PCBP2: variants seen among roughly 807,000 people sequenced by gnomAD.
PCBP2 encodes the protein poly(rC)-binding protein 2.
PCBP2 carries 4 observed loss-of-function variants against 50.1 expected under a neutral mutation model. The observed-to-expected ratio is 0.08, with a 90% CI of 0.04 to 0.18. The LOEUF (loss-of-function observed/expected upper bound fraction) is 0.18. Ranked by LOEUF, PCBP2 falls within the 10% of genes least tolerant of loss-of-function variation. The pLI is 1.00. For synonymous variants in PCBP2, 179 were observed against 168.0 expected (o/e 1.07, Z -0.51); for missense variants, 161 against 474.3 (o/e 0.34, Z 6.14).
At chr12:53,462,408 G>C (rs1941511354) in intron 7 of PCBP2, 85 bp from the exon 8 acceptor site, 1 of 1,038,812 alleles carries the variant, frequency 9.6e-7, no homozygotes, top group Non-Finnish European at 1.4e-6. Context: ...TAATTTAACT[G>C]ACCTGTGTGA....
At chr12:53,464,672 T>TA (rs1167974609) in intron 8 of PCBP2, 88 bp from the exon 9 acceptor site, 1 of 1,527,466 alleles carries the variant, frequency 6.5e-7, no homozygotes, top group Non-Finnish European at 8.8e-7. Flanking sequence ...AGGAAAAAAA[T>TA]AAACAACTTT....
At chr12:53,454,958 A>G in intron 2 of PCBP2, 89 bp downstream of exon 2, 1 of 1,086,654 alleles carries the variant, frequency 9.2e-7, no homozygotes, top group East Asian at 2.4e-5. Flanking sequence ...TCATCAGATT[A>G]GCACTGTGGG....
At chr12:53,457,489 G>T (rs1381868797) in intron 5 of PCBP2, among the ~76,000 whole-genome samples, 1 of 151,998 alleles carries the variant, frequency 6.6e-6, no homozygotes, top group Non-Finnish European at 1.5e-5. Flanking sequence ...GGGACCACAG[G>T]CTTGAACCAC....
rs1054670093 is a variant in PCBP2, at chr12:53,467,350, C to G, written c.787+57C>G. ...GTGTAGTGCAAGAGAGAGGCCAGTC[C>G]CAAGGTCTCAGCTTGACATCTGTTT... On this transcript the variant is annotated intron_variant, in intron 11 of 14. Transcript: ENST00000546463. 3.7e-6 allele frequency: 5 copies of G among 1,356,314 alleles called. No homozygotes were observed. The East Asian group carries it at 6.9e-5, about 19-fold the overall frequency. 84.0% of individuals were successfully genotyped at this position (1,356,314 alleles called of 1,614,324 possible).
intron 10 of PCBP2, among the ~76,000 whole-genome samples, chr12:53,466,211 G>C (rs1941810266): frequency 1.3e-5 from 2 of 152,184 alleles, no homozygotes; most frequent in African/African-American, 4.8e-5. Flanking sequence ...CTTTCCCCCT[G>C]TGTTTCAGAT....
intron 14 of PCBP2, among the ~76,000 whole-genome samples, chr12:53,472,103 A>C (rs978488513): frequency 6.6e-6 from 1 of 152,260 alleles, no homozygotes; most frequent in East Asian, 1.9e-4. Flanking sequence ...TAGAGCACTC[A>C]CAAAATCAAA....
rs1266901658 is a variant in PCBP2, at chr12:53,459,403, G to A, written c.375G>A (p.Glu125=). The A allele has an allele frequency of 6.2e-7, 1 of 1,609,188 alleles. No individual in the cohort carries two copies. The highest frequency in any genetic ancestry group is 8.5e-7 in the Non-Finnish European group (1 of 1,177,208). The stretch of plus-strand genomic sequence containing the variant: ...GATGCAAGATCAAGGAAATACGAGA[G>A]GTTAGTGACTTTTGTCGTCCTTTTA... ...KGGCKIKEIR[E]STGAQVQVAG... is the part of the protein sequence containing the mutation. The change falls in exon 6 of 15, where the codon GAG becomes GAA. Residue 125 remains glutamate, a splice_region_variant and synonymous_variant. Transcript: ENST00000546463.
intron 7 of PCBP2, 163 bp from the exon 8 acceptor site, chr12:53,462,330 T>G (rs970097808): frequency 7.8e-6 from 4 of 510,292 alleles, no homozygotes; most frequent in African/African-American, 5.7e-5. Context: ...CAAATAACTT[T>G]CAGTAGATAA....
chr12:53,475,385 C>T (rs958997085), intron 14 of PCBP2: 6 of 344,764 alleles, frequency 1.7e-5, no homozygotes, highest in South Asian at 1.1e-4. Context: ...TAGGTTTAGG[C>T]CATTTCAGCT....
chr12:53,457,962 C>T (rs890160784), intron 5 of PCBP2, among the ~76,000 whole-genome samples: 1 of 152,138 alleles, frequency 6.6e-6, no homozygotes, highest in Non-Finnish European at 1.5e-5. Flanking sequence ...GAGTTTCCTC[C>T]TTGTCGCCCA....
chr12:53,479,313 G>A, intron 14 of PCBP2, 93 bp from the exon 15 acceptor site: 2 of 1,101,136 alleles, frequency 1.8e-6, no homozygotes, highest in East Asian at 4.7e-5. Context: ...CTCCAGCACT[G>A]GTTATTTACT....
At chr12:53,470,706 T>G (rs1376016397) in intron 13 of PCBP2, among the ~76,000 whole-genome samples, 5 of 151,488 alleles carry the variant, frequency 3.3e-5, no homozygotes, top group African/African-American at 1.2e-4. Context: ...ACATCAGATC[T>G]GTGCTGTCCA....
At chr12:53,479,267 G>C (rs1942887606) in intron 14 of PCBP2, 139 bp from the exon 15 acceptor site, 2 of 730,544 alleles carry the variant, frequency 2.7e-6, no homozygotes, top group Non-Finnish European at 4.9e-6. Context: ...CATGGTACTG[G>C]TAAATTTAAG....
intron 14 of PCBP2, among the ~76,000 whole-genome samples, chr12:53,477,349 C>A (rs921579043): frequency 6.6e-6 from 1 of 152,066 alleles, no homozygotes; most frequent in South Asian, 2.1e-4. Flanking sequence ...GAAATTGGCA[C>A]GAATCTACCC....
chr12:53,454,701 G>C, intron 1 of PCBP2, 25 bp from the exon 2 acceptor site: 1 of 801,790 alleles, frequency 1.2e-6, no homozygotes, highest in Non-Finnish European at 2.2e-6. Flanking sequence ...TTCCTCCTCT[G>C]ATTTTGGTCA....
intron 14 of PCBP2, chr12:53,475,191 G>C (rs771798671): frequency 8.8e-6 from 4 of 456,272 alleles, no homozygotes; most frequent in South Asian, 3.1e-5. Flanking sequence ...ACTGAAAGGC[G>C]AGAAACAGAG....
At position 53,456,220 on chromosome 12, in the gene PCBP2, A is replaced by G. The variant is rs539770384; in HGVS notation, c.243+219A>G. On this transcript the variant is annotated intron_variant, in intron 5 of 14. Transcript: ENST00000546463. ...GGTGGCTCATGGCTGTAGTCCCAGC[A>G]CTTTTGGGAGGCTGAGGCGGGCAGA... is the stretch of plus-strand genomic sequence containing the variant. Among the ~76,000 whole-genome samples, 3 of 152,212 alleles carry G rather than the reference A, an allele frequency of 2.0e-5. No homozygotes were observed. The South Asian group carries it at 6.2e-4, about 32-fold the overall frequency.
At chr12:53,469,854 G>A (rs560092924) in intron 13 of PCBP2, among the ~76,000 whole-genome samples, 10 of 138,666 alleles carry the variant, frequency 7.2e-5, no homozygotes, top group African/African-American at 2.4e-4. Context: ...CAATTTTCCT[G>A]CCCCAGCCTC....
chr12:53,461,218 A>G, intron 7 of PCBP2, 75 bp downstream of exon 7: 1 of 1,524,402 alleles, frequency 6.6e-7, no homozygotes, highest in African/African-American at 1.4e-5. Flanking sequence ...ATATTTAGTA[A>G]GACTAGAATT....
Sources: gnomAD v4.1 joint callset for allele counts (sites outside exome capture counted in the v4.1 genomes callset) on GRCh38, gnomAD v4.1.1 for gene constraint, MANE v1.5 for transcripts, NCBI Gene and HGNC (gene_info 2026-07-23, HGNC 2026-07-21) for gene names.